The following BECN1 variants were observed in gnomAD, a reference collection of about 807,000 sequenced individuals.
The protein encoded by BECN1 is beclin-1.
Under a neutral mutation model 60.1 loss-of-function variants are expected in BECN1, and 15 were observed. The ratio of observed to expected loss-of-function variants is 0.25; its 90% CI spans 0.17 to 0.38. BECN1 has a LOEUF of 0.38. BECN1 is among the 10% of genes least tolerant of loss of function. The pLI, the probability that BECN1 is intolerant of heterozygous loss-of-function variation, is 1.00. For synonymous variants in BECN1, 179 were observed against 201.8 expected, an observed-to-expected ratio of 0.89 and a Z score of 0.96; for missense variants, 424 against 548.2, an observed-to-expected ratio of 0.77 and a Z score of 2.26.
intron 2 of BECN1, among the ~76,000 whole-genome samples, chr17:42,823,506 G>C (rs1259202012): frequency 6.6e-6 from 1 of 152,004 alleles, no homozygotes; most frequent in Non-Finnish European, 1.5e-5. Context: ...TGCCCGCCTC[G>C]GTCTCCCAAA....
At chr17:42,823,973 G>T in intron 1 of BECN1, 94 bp from the exon 2 acceptor site, 1 of 1,477,728 alleles carries the variant, frequency 6.8e-7, no homozygotes, top group Non-Finnish European at 9.2e-7. Flanking sequence ...ATGGTAAAGG[G>T]AGGGAAGTCC....
At chr17:42,815,871 A>G in intron 8 of BECN1, 37 bp downstream of exon 8, 2 of 1,613,778 alleles carry the variant, frequency 1.2e-6, no homozygotes, top group South Asian at 2.2e-5. Context: ...TAAGGTCTAG[A>G]TATGTGCAGT....
intron 2 of BECN1, 91 bp from the exon 3 acceptor site, chr17:42,820,932 T>A (rs551812171): frequency 9.2e-7 from 1 of 1,085,310 alleles, no homozygotes; most frequent in Non-Finnish European, 1.4e-6. Context: ...AATATTCTCA[T>A]CACCACCCTC....
At chr17:42,818,735 C>T in intron 5 of BECN1, 52 bp downstream of exon 5, 1 of 1,613,830 alleles carries the variant, frequency 6.2e-7, no homozygotes, top group Non-Finnish European at 8.5e-7. Flanking sequence ...TGCTCAATTA[C>T]CCACTCTCCC....
chr17:42,810,669 G>T lies in BECN1; in HGVS notation c.*91C>A. ...TTTTTTGGTATTGTAAACATGTACTGTTTAATATTACCCGAATTTAATTTA... is the reference window on the plus strand; with the variant it reads ...TTTTTTGGTATTGTAAACATGTACTTTTTAATATTACCCGAATTTAATTTA... On this transcript the variant is annotated 3_prime_UTR_variant, in exon 12 of 12. Transcript: ENST00000590099. The T allele has an allele frequency of 7.2e-7, 1 of 1,392,130 alleles. No individual in the cohort carries two copies. The highest frequency in any genetic ancestry group is 9.7e-7 in the Non-Finnish European group (1 of 1,028,510). The allele number at this position is 1,392,130 out of a possible 1,614,324, so 86.2% of individuals were successfully genotyped here. A position where few individuals can be genotyped will look rare whatever the true frequency, so the allele number is the denominator to read the frequency against.
rs371577008 is a variant in BECN1 at position 42,818,602 on chromosome 17, G to C, written c.430C>G (p.Leu144Val). ...HPLCEECTDT[L>V]LDQLDTQLNV... ...AGCTGAGTGTCCAGCTGGTCTAAAA[G>C]AGTATCTGTGCATTCCTCACAGAGT... The change falls in exon 6 of 12, where the codon CTT (leucine) becomes GTT (valine). Residue 144 changes from leucine (L) to valine (V), a missense_variant. Leu to Val is a conservative substitution (Grantham distance 32). Transcript: ENST00000590099. 2 of 1,614,204 alleles carry C rather than the reference G, an allele frequency of 1.2e-6. No individual in the cohort carries two copies. Among genetic ancestry groups the C allele is most frequent in the East Asian group, 2.2e-5 (1 of 44,884 alleles).
rs775164058 is a variant in BECN1 at position 42,814,630 on chromosome 17, G to A, written c.874C>T (p.Arg292Cys). ...CATTCCACGGGAACACTGGGCAGGC[G>A]ACCCAGCCTGAAGTTATTGATTGTG... Reference protein sequence around the residue: ...FGTINNFRLGRLPSVPVEWNE... With the variant: ...FGTINNFRLGCLPSVPVEWNE... The change falls in exon 9 of 12, where the codon CGC (arginine) becomes TGC (cysteine). Residue 292 changes from arginine to cysteine, a missense_variant. By Grantham distance (180) the Arg-to-Cys change is radical. Coordinates refer to ENST00000590099, the MANE Select transcript of BECN1 (RefSeq NM_001313998.2). The A allele has an allele frequency of 5.0e-6, 8 of 1,613,958 alleles. No individual in the cohort carries two copies. Among genetic ancestry groups the A allele is most frequent in the Admixed American group, 1.7e-5 (1 of 59,998 alleles).
intron 8 of BECN1, 23 bp from the exon 9 acceptor site, chr17:42,814,696 G>A (rs138015339): frequency 2.5e-6 from 4 of 1,613,176 alleles, no homozygotes; most frequent in Non-Finnish European, 3.4e-6. Context: ...GCAGAAAGGT[G>A]GGGGGAAATA....
chr17:42,818,780 G>C lies in BECN1; in HGVS notation c.351+7C>G, dbSNP rs376566359. ...TACTGCTTGCCACCGGAATGGGGCC[G>C]ACTTGCCTTCAGTCTTCGGCTGAGG... On this transcript the variant is annotated splice_region_variant and intron_variant, in intron 5 of 11. Transcript: ENST00000590099. 8.1e-6 allele frequency: 13 copies of C among 1,614,074 alleles called. No homozygotes were observed. In the East Asian group the frequency reaches 2.2e-4, roughly 28 times the overall value.
chr17:42,813,879 C>A, intron 10 of BECN1, 69 bp downstream of exon 10: 1 of 1,186,916 alleles, frequency 8.4e-7, no homozygotes, highest in South Asian at 1.4e-5. Context: ...AATATCAAAG[C>A]AAACCATCCA....
Position 42,818,856 on chromosome 17 carries a change from G to C in BECN1, c.282C>G (p.Ala94=), listed in dbSNP as rs1220885134. Residue 94 remains alanine (A), a synonymous_variant, in exon 5 of 12, where the codon GCC becomes GCG. Transcript: ENST00000590099. The stretch of plus-strand genomic sequence containing the variant: ...CCTCCCCAATCAGAGTGAAGCTGTT[G>C]GCACTTTCTGTGGACATCATCCTGC... The part of the protein sequence containing the change: ...PPARMMSTES[A]NSFTLIGEAS... 5 of 1,614,124 alleles carry C rather than the reference G, an allele frequency of 3.1e-6. No individual in the cohort carries two copies. Among genetic ancestry groups the C allele is most frequent in the Non-Finnish European group, 3.4e-6 (4 of 1,180,018 alleles).
At chr17:42,815,098 A>C (rs2055118560) in intron 8 of BECN1, 1 of 171,820 alleles carries the variant, frequency 5.8e-6, no homozygotes, top group African/African-American at 2.4e-5. Context: ...ATACAAGTGT[A>C]ATTACGTCAC....
Position 42,811,062 on chromosome 17 carries a change from T to C in BECN1, c.1185-134A>G, listed in dbSNP as rs370202984. The C allele has an allele frequency of 8.5e-5, 86 of 1,015,140 alleles. No homozygotes were observed. The African/African-American group carries it at 1.3e-3, about 16-fold the overall frequency. The allele number at this position is 1,015,140 out of a possible 1,614,324, so 62.9% of individuals were successfully genotyped here. On this transcript the variant is annotated intron_variant, in intron 11 of 11. Coordinates refer to ENST00000590099, the MANE Select transcript of BECN1 (RefSeq NM_001313998.2). Reference sequence around the variant, plus strand: ...CACTTGGTGAGGAATGATAGTGTATTTTGGATTTGCTTGAAAGCCAAAAAT... The same window carrying C: ...CACTTGGTGAGGAATGATAGTGTATCTTGGATTTGCTTGAAAGCCAAAAAT...
In BECN1 at chr17:42,816,004, T is replaced by A; in HGVS notation, c.734A>T (p.Asp245Val). 1 of 1,612,888 alleles carries A rather than the reference T, an allele frequency of 6.2e-7. No homozygotes were observed. The highest frequency in any genetic ancestry group is 8.5e-7 in the Non-Finnish European group (1 of 1,179,378). The change falls in exon 8 of 12, where the codon GAT becomes GTT. Residue 245 changes from aspartate (D) to valine (V), a missense_variant. By Grantham distance (152) the Asp-to-Val change is radical (BLOSUM62 -3). Coordinates refer to ENST00000590099, the MANE Select transcript of BECN1 (RefSeq NM_001313998.2). ...EFKRQQLELD[D>V]ELKSVENQMR... ...CTGGTTTTCAACACTCTTCAGCTCATCATCCAGCTCCAGCTGCTGTCGTTT... is the reference window on the plus strand; with the variant it reads ...CTGGTTTTCAACACTCTTCAGCTCAACATCCAGCTCCAGCTGCTGTCGTTT...
At chr17:42,819,354 C>G (rs940638781) in intron 4 of BECN1, 194 bp downstream of exon 4, 2 of 594,920 alleles carry the variant, frequency 3.4e-6, no homozygotes, top group African/African-American at 3.8e-5. Context: ...CTTTCCCACT[C>G]TGTGAACAGC....
chr17:42,813,955 T>A lies in BECN1; in HGVS notation c.1034A>T (p.Lys345Ile). 6.3e-7 allele frequency: 1 copy of A among 1,596,976 alleles called. No individual in the cohort carries two copies. Among genetic ancestry groups the A allele is most frequent in the East Asian group, 2.2e-5 (1 of 44,644 alleles). Residue 345 changes from lysine to isoleucine, a missense_variant, in exon 10 of 12, where the codon AAA becomes ATA. Lys to Ile is a moderately radical substitution (Grantham distance 102). Transcript: ENST00000590099. ...TGGAGCTTCACAGAGTACCTTAGAT[T>A]TGTCTGTCAGAGACTCCAGATATGA... ...NHSYLESLTD[K>I]SKELPLYCSG...
At chr17:42,814,492 A>G in intron 9 of BECN1, 32 bp downstream of exon 9, 1 of 1,613,620 alleles carries the variant, frequency 6.2e-7, no homozygotes. Context: ...ATCAATGCAC[A>G]TCACTCCCCA....
chr17:42,811,733 A>G lies in BECN1; in HGVS notation c.1106T>C (p.Met369Thr). 1 of 1,614,192 alleles carries G rather than the reference A, an allele frequency of 6.2e-7. No individual in the cohort carries two copies. Among genetic ancestry groups the G allele is most frequent in the Non-Finnish European group, 8.5e-7 (1 of 1,180,030 alleles). Residue 369 changes from methionine to threonine, a missense_variant, in exon 11 of 12, where the codon ATG (methionine) becomes ACG (threonine). Met to Thr is a moderately conservative substitution (Grantham distance 81). Transcript: ENST00000590099. ...CTGCACACAGTCCAGGAAAGCCACC[A>G]TTGCATGGTCAAACTTGTTGTCCCA... The part of the protein sequence containing the change: ...FFWDNKFDHA[M>T]VAFLDCVQQF...
intron 3 of BECN1, 76 bp from the exon 4 acceptor site, chr17:42,819,685 T>C: frequency 7.0e-7 from 1 of 1,433,254 alleles, no homozygotes; most frequent in Admixed American, 1.9e-5. Flanking sequence ...GCCTCAGAAC[T>C]ATATGGCTTT....
Sources: gnomAD v4.1 joint callset for allele counts (sites outside exome capture counted in the v4.1 genomes callset) on GRCh38, gnomAD v4.1.1 for gene constraint, MANE v1.5 for transcripts, NCBI Gene and HGNC (gene_info 2026-07-23, HGNC 2026-07-21) for gene names.